The following NEUROD1 variants were observed in gnomAD, a reference collection of about 807,000 sequenced individuals.
The protein encoded by NEUROD1 is neuronal differentiation 1, also known as neurogenic differentiation factor 1.
NEUROD1 carries 9 observed loss-of-function variants against 21.8 expected under a neutral mutation model. The ratio of observed to expected loss-of-function variants is 0.41; its 90% CI spans 0.25 to 0.72. NEUROD1 has a LOEUF of 0.72. Among genes scored for constraint, NEUROD1 ranks in the 30% least tolerant of loss-of-function variants. NEUROD1 has a pLI of 0.31. For missense variants in NEUROD1, 434 were observed against 468.8 expected, an observed-to-expected ratio of 0.93 and a Z score of 0.69; for synonymous variants, 199 against 186.2, an observed-to-expected ratio of 1.07 and a Z score of -0.56.
downstream of NEUROD1, among the ~76,000 whole-genome samples, chr2:181,668,320 C>T (rs1310136004): frequency 8.6e-5 from 13 of 151,978 alleles, no homozygotes; most frequent in Admixed American, 7.9e-4. Context: ...GAGGCTTGCC[C>T]TTATGACATG....
chr2:181,678,979 C>A lies in NEUROD1; in HGVS notation c.-11-108G>T. 3.1e-6 allele frequency: 4 copies of A among 1,311,052 alleles called. No individual in the cohort carries two copies. The highest frequency in any genetic ancestry group is 1.3e-5 in the South Asian group (1 of 78,878). 81.2% of individuals were successfully genotyped at this position (1,311,052 alleles called of 1,614,324 possible). ...CTCCCTAAACCTGTACAAATGCTTG[C>A]GAAAAGTACCTGCCCATTACAAAAT... On this transcript the variant is annotated intron_variant, in intron 1 of 1. Coordinates refer to ENST00000295108, the MANE Select transcript of NEUROD1 (RefSeq NM_002500.5). This position sits in a 1 kb window ranked among gnomAD's most constrained non-coding sequence, Gnocchi z 5.5.
At chr2:181,675,481 A>T (rs1013124669), downstream of NEUROD1, among the ~76,000 whole-genome samples, 6 of 152,130 alleles carry the variant, frequency 3.9e-5, no homozygotes, top group African/African-American at 1.4e-4. Flanking sequence ...CAAGCTTGGG[A>T]AGGGGGGTAG....
At chr2:181,675,859 G>A (rs558347146), downstream of NEUROD1, among the ~76,000 whole-genome samples, 7 of 152,204 alleles carry the variant, frequency 4.6e-5, no homozygotes, top group African/African-American at 1.7e-4. Context: ...ATCATCACAA[G>A]ATGTTAATAG....
chr2:181,672,299 C>T (rs148290023), downstream of NEUROD1, among the ~76,000 whole-genome samples: 1,488 of 152,298 alleles, frequency 9.8e-3, 21 homozygotes, highest in African/African-American at 0.034. Context: ...GTTTATAACA[C>T]TTGCTGGACT....
In NEUROD1 at chr2:181,677,494, A is replaced by T; in HGVS notation, c.*296T>A. On this transcript the variant is annotated 3_prime_UTR_variant, in exon 2 of 2. Coordinates refer to ENST00000295108, the MANE Select transcript of NEUROD1 (RefSeq NM_002500.5). ...CTTGTGATTTTGTTATCCCGATCAG[A>T]TAATTAATACGATCTGAATACAGCC... 1 of 321,866 alleles carries T rather than the reference A, an allele frequency of 3.1e-6. No homozygotes were observed. The highest frequency in any genetic ancestry group is 5.8e-6 in the Non-Finnish European group (1 of 173,558). The allele number at this position is 321,866 out of a possible 1,614,324, so 19.9% of individuals were successfully genotyped here. A position where few individuals can be genotyped will look rare whatever the true frequency, so the allele number is the denominator to read the frequency against.
chr2:181,678,966 G>T lies in NEUROD1; in HGVS notation c.-11-95C>A. On this transcript the variant is annotated intron_variant, in intron 1 of 1. Transcript: ENST00000295108. The surrounding 1 kb of genome is among the most constrained non-coding windows in gnomAD (Gnocchi z 5.5). ...CCTTCAGCTTCCACTCCCTAAACCT[G>T]TACAAATGCTTGCGAAAAGTACCTG... 1.4e-6 allele frequency: 2 copies of T among 1,456,152 alleles called. No homozygotes were observed. Among genetic ancestry groups the T allele is most frequent in the Non-Finnish European group, 9.4e-7 (1 of 1,064,900 alleles). The allele number at this position is 1,456,152 out of a possible 1,614,324, so 90.2% of individuals were successfully genotyped here.
At chr2:181,674,941 A>C (rs188702975), downstream of NEUROD1, among the ~76,000 whole-genome samples, 2 of 152,360 alleles carry the variant, frequency 1.3e-5, no homozygotes, top group East Asian at 3.9e-4. Flanking sequence ...TCACTACAGC[A>C]ACAGATTTTA....
downstream of NEUROD1, among the ~76,000 whole-genome samples, chr2:181,672,232 G>C (rs1688509186): frequency 6.6e-6 from 1 of 152,140 alleles, no homozygotes; most frequent in Admixed American, 6.5e-5. Flanking sequence ...GGGGAGTTTG[G>C]TGCCATGCAA....
downstream of NEUROD1, among the ~76,000 whole-genome samples, chr2:181,669,283 G>A (rs191725154): frequency 2.6e-5 from 4 of 152,258 alleles, no homozygotes; most frequent in Admixed American, 2.0e-4. Context: ...CGTAGGGATG[G>A]CTTATGGAAA....
downstream of NEUROD1, among the ~76,000 whole-genome samples, chr2:181,673,798 A>G (rs1259430463): frequency 6.6e-6 from 1 of 152,190 alleles, no homozygotes; most frequent in South Asian, 2.1e-4. Context: ...CTAATGATCC[A>G]TATATCATTT....
In NEUROD1 at chr2:181,678,789, G is replaced by A. The variant is rs1284838712; in HGVS notation, c.72C>T (p.Asp24=). Reference sequence around the variant, plus strand: ...CCTCGTCCTGAGAACTGAGACACTCGTCTGTCCAGCTTGGAGGACCTTGGG... The same window carrying A: ...CCTCGTCCTGAGAACTGAGACACTCATCTGTCCAGCTTGGAGGACCTTGGG... ...PQPQGPPSWT[D]ECLSSQDEEH... is the part of the protein sequence containing the mutation. The change falls in exon 2 of 2, where the codon GAC becomes GAT. Residue 24 remains aspartate (D), a synonymous_variant. Coordinates refer to ENST00000295108, the MANE Select transcript of NEUROD1 (RefSeq NM_002500.5). The surrounding 1 kb of genome is among the most constrained non-coding windows in gnomAD (Gnocchi z 5.5). 3 of 1,613,830 alleles carry A rather than the reference G, an allele frequency of 1.9e-6. No individual in the cohort carries two copies. The highest frequency in any genetic ancestry group is 1.7e-5 in the Admixed American group (1 of 59,976).
At chr2:181,679,650 A>C (rs1227717300) in intron 1 of NEUROD1, among the ~76,000 whole-genome samples, 1 of 152,248 alleles carries the variant, frequency 6.6e-6, no homozygotes, top group Admixed American at 6.5e-5. Context: ...TCAGGTGCGG[A>C]AGGCTCCTCT....
downstream of NEUROD1, among the ~76,000 whole-genome samples, chr2:181,669,745 C>G (rs548393742): frequency 6.6e-5 from 10 of 152,150 alleles, no homozygotes; most frequent in African/African-American, 2.4e-4. Flanking sequence ...ACCAACTATC[C>G]CAAAACAAAC....
downstream of NEUROD1, among the ~76,000 whole-genome samples, chr2:181,676,195 C>T (rs187310461): frequency 2.3e-3 from 356 of 152,166 alleles, 3 homozygotes; most frequent in Non-Finnish European, 3.8e-3. Context: ...AAAGGCTAAG[C>T]CACTTAAAAC....
In NEUROD1 at chr2:181,678,902, A is replaced by G; in HGVS notation, c.-11-31T>C. On this transcript the variant is annotated intron_variant, in intron 1 of 1. Transcript: ENST00000295108. This position sits in a 1 kb window ranked among gnomAD's most constrained non-coding sequence, Gnocchi z 5.5. ...TTCAACAAGGGAGAGGCAAACAGAAAGAAAAGCAGAAAAACGCTATATTCA... is the reference window on the plus strand; with the variant it reads ...TTCAACAAGGGAGAGGCAAACAGAAGGAAAAGCAGAAAAACGCTATATTCA... The G allele has an allele frequency of 1.2e-6, 2 of 1,610,282 alleles. No homozygotes were observed. Among genetic ancestry groups the G allele is most frequent in the Non-Finnish European group, 1.7e-6 (2 of 1,179,936 alleles).
chr2:181,670,706 ATGTGGGCCCCAAATCCT>A, exon 2 of NEUROD1, among the ~76,000 whole-genome samples: 1 of 152,164 alleles, frequency 6.6e-6, no homozygotes, highest in Middle Eastern at 3.4e-3. Flanking sequence ...CCAGCTTCTG[ATGTGGGCCCCAAATCCT>A]TGGGGCCCCT....
At chr2:181,672,620 G>T (rs1688513658), downstream of NEUROD1, among the ~76,000 whole-genome samples, 1 of 152,202 alleles carries the variant, frequency 6.6e-6, no homozygotes, top group East Asian at 1.9e-4. Context: ...CAGTGATTTT[G>T]GTGGAGTTGA....
chr2:181,674,194 AT>A (rs1688533390), downstream of NEUROD1, among the ~76,000 whole-genome samples: 1 of 152,186 alleles, frequency 6.6e-6, no homozygotes, highest in Admixed American at 6.5e-5. Flanking sequence ...ATAACTATTC[AT>A]AGGATTTTCA....
rs746648417 is a variant in NEUROD1, at chr2:181,677,896, G to T, written c.965C>A (p.Ala322Asp). 1.8e-5 allele frequency: 29 copies of T among 1,614,098 alleles called. No individual in the cohort carries two copies. In the East Asian group the frequency reaches 6.2e-4, roughly 35 times the overall value. ...TATGGGGATCTCGCAGCGAGGGGCAGCGGTGCCTGAGAAGATTGATCCGTG... is the reference window on the plus strand; with the variant it reads ...TATGGGGATCTCGCAGCGAGGGGCATCGGTGCCTGAGAAGATTGATCCGTG... The part of the protein sequence containing the change: ...QSHGSIFSGT[A>D]APRCEIPIDN... Residue 322 changes from alanine (A) to aspartate (D), a missense_variant, in exon 2 of 2, where the codon GCT becomes GAT. Ala to Asp is a moderately radical substitution (Grantham distance 126). Coordinates refer to ENST00000295108, the MANE Select transcript of NEUROD1 (RefSeq NM_002500.5).
Sources: allele counts gnomAD v4.1 joint callset (sites outside exome capture counted in the v4.1 genomes callset), GRCh38; gene constraint gnomAD v4.1.1; non-coding constraint Gnocchi (gnomAD v3.1); transcripts MANE v1.5; gene names NCBI Gene and HGNC (gene_info 2026-07-23, HGNC 2026-07-21).